WDR72: variants seen among roughly 807,000 people sequenced by gnomAD.
WDR72 encodes the protein WD repeat-containing protein 72.
Under a neutral mutation model 124.2 loss-of-function variants are expected in WDR72, and 120 were observed. That is an observed-to-expected ratio of 0.97 (90% confidence interval 0.83 to 1.12). The LOEUF is 1.12. Among genes scored for constraint, WDR72 ranks in the 50% most tolerant of loss-of-function variants. WDR72 has a pLI of 0.00. For synonymous variants in WDR72, 452 were observed against 441.7 expected (o/e 1.02, Z -0.29); for missense variants, 1,387 against 1,278.8 (o/e 1.08, Z -1.29).
intron 18 of WDR72, among the ~76,000 whole-genome samples, chr15:53,572,869 T>C (rs765263135): frequency 1.3e-5 from 2 of 152,218 alleles, no homozygotes; most frequent in African/African-American, 2.4e-5. Context: ...TTCTCCTTTC[T>C]AGAGAACCAC....
rs2140613871 is a variant in WDR72, at chr15:53,733,196, C to A, written c.-12-35G>T. ...AAAGAAGGGAAGAAGCATACATGGT[C>A]ATCTTTTTGAAATTTGAGGAAACCG... On this transcript the variant is annotated intron_variant, in intron 1 of 19. Transcript: ENST00000360509. The A allele has an allele frequency of 1.9e-6, 3 of 1,610,296 alleles. No homozygotes were observed. In the South Asian group the frequency reaches 3.3e-5, roughly 18 times the overall value.
chr15:53,589,178 G>T (rs1173931412), intron 18 of WDR72, among the ~76,000 whole-genome samples: 1 of 151,800 alleles, frequency 6.6e-6, no homozygotes, highest in African/African-American at 2.4e-5. Context: ...GTCTTCTGGG[G>T]GGTTACAAAC....
intron 1 of WDR72, among the ~76,000 whole-genome samples, chr15:53,752,266 A>G (rs1215149706): frequency 6.6e-6 from 1 of 152,200 alleles, no homozygotes; most frequent in African/African-American, 2.4e-5. Flanking sequence ...TCCAAAATTT[A>G]TATGTTGAAG....
At chr15:53,745,348 G>A (rs937680620) in intron 1 of WDR72, among the ~76,000 whole-genome samples, 2 of 152,170 alleles carry the variant, frequency 1.3e-5, no homozygotes, top group Non-Finnish European at 2.9e-5. Flanking sequence ...ACCTTTGAGA[G>A]TGTGAGATTT....
At chr15:53,518,365 T>C (rs1264892645) in intron 19 of WDR72, among the ~76,000 whole-genome samples, 2 of 152,078 alleles carry the variant, frequency 1.3e-5, no homozygotes, top group Non-Finnish European at 2.9e-5. Context: ...GAATAGTAAC[T>C]TTCACTCCTA....
At chr15:53,717,327 G>C (rs1297738644) in intron 3 of WDR72, among the ~76,000 whole-genome samples, 1 of 152,108 alleles carries the variant, frequency 6.6e-6, no homozygotes, top group Admixed American at 6.6e-5. Flanking sequence ...AATCAGAATG[G>C]CTGTTTCAGA....
At chr15:53,580,244 A>C (rs1396045752) in intron 18 of WDR72, among the ~76,000 whole-genome samples, 2 of 152,156 alleles carry the variant, frequency 1.3e-5, no homozygotes, top group African/African-American at 2.4e-5. Flanking sequence ...CTAAAATCTA[A>C]AACGAAATAA....
chr15:53,584,059 T>C (rs1184234956), intron 18 of WDR72, among the ~76,000 whole-genome samples: 1 of 151,770 alleles, frequency 6.6e-6, no homozygotes, highest in Non-Finnish European at 1.5e-5. Context: ...AGGATGTTTG[T>C]AGAGAAGGAG....
intron 3 of WDR72, among the ~76,000 whole-genome samples, chr15:53,718,545 T>G (rs1394257933): frequency 6.6e-6 from 1 of 152,110 alleles, no homozygotes. Flanking sequence ...CTATCAATTT[T>G]GCTTAATAAA....
rs757690372 is a variant in WDR72 at position 53,616,059 on chromosome 15, GC to G, written c.2146del (p.Ala716ProfsTer10). ...SFYGGEVLRR[A>X]KSTVEKKTLT... ...TGTCTTCTTCTCCACTGTGCTCTTGGCTCTTCTCAGGACCTCACCACCATAG... is the reference window on the plus strand; with the variant it reads ...TGTCTTCTTCTCCACTGTGCTCTTGGTCTTCTCAGGACCTCACCACCATAG... On this transcript the variant is annotated frameshift_variant, in exon 15 of 20. Transcript: ENST00000360509. LOFTEE classifies it high-confidence loss of function. 1.9e-6 allele frequency: 3 copies of G among 1,611,644 alleles called. No individual in the cohort carries two copies. The highest frequency in any genetic ancestry group is 2.5e-6 in the Non-Finnish European group (3 of 1,178,702).
At chr15:53,640,892 T>A (rs1260148892) in intron 14 of WDR72, among the ~76,000 whole-genome samples, 2 of 148,592 alleles carry the variant, frequency 1.3e-5, no homozygotes, top group East Asian at 3.9e-4. Context: ...ATAAAGATAT[T>A]AATACTTTAT....
intron 13 of WDR72, among the ~76,000 whole-genome samples, chr15:53,681,649 G>C (rs2016388030): frequency 6.6e-6 from 1 of 152,144 alleles, no homozygotes; most frequent in African/African-American, 2.4e-5. Context: ...ATTGATGAAA[G>C]TAATTTTAAG....
At chr15:53,721,371 A>G (rs540711256) in intron 3 of WDR72, among the ~76,000 whole-genome samples, 1 of 152,294 alleles carries the variant, frequency 6.6e-6, no homozygotes, top group South Asian at 2.1e-4. Flanking sequence ...GCTATTATGT[A>G]TTTCTCAATT....
At chr15:53,658,535 T>C (rs2015506109) in intron 14 of WDR72, among the ~76,000 whole-genome samples, 1 of 152,106 alleles carries the variant, frequency 6.6e-6, no homozygotes, top group South Asian at 2.1e-4. Flanking sequence ...CAAAGAACTC[T>C]GCCATCTATA....
At chr15:53,690,620 A>G (rs2016808398) in intron 13 of WDR72, among the ~76,000 whole-genome samples, 1 of 152,156 alleles carries the variant, frequency 6.6e-6, no homozygotes, top group Admixed American at 6.5e-5. Flanking sequence ...AACTTGCTAC[A>G]TTTTGAGGGT....
intron 1 of WDR72, among the ~76,000 whole-genome samples, chr15:53,754,197 T>C (rs2018842830): frequency 6.6e-6 from 1 of 152,166 alleles, no homozygotes; most frequent in Admixed American, 6.5e-5. Context: ...TCATTATGTA[T>C]GTGGAAGTGT....
chr15:53,704,356 CTG>C (rs1411841367), intron 11 of WDR72, among the ~76,000 whole-genome samples: 12 of 152,034 alleles, frequency 7.9e-5, no homozygotes, highest in Admixed American at 4.6e-4. Flanking sequence ...AATTAAAAGA[CTG>C]TATGTTGTTA....
chr15:53,688,907 G>A (rs374391911), intron 13 of WDR72, among the ~76,000 whole-genome samples: 9 of 152,108 alleles, frequency 5.9e-5, no homozygotes, highest in Middle Eastern at 3.4e-3. Context: ...CAGAAATAAC[G>A]CCGCATATCT....
intron 18 of WDR72, among the ~76,000 whole-genome samples, chr15:53,543,681 G>T (rs78065243): frequency 1.3e-5 from 2 of 151,324 alleles, no homozygotes; most frequent in Non-Finnish European, 2.9e-5. Context: ...ACAAAAAACC[G>T]TTCAAAAAAT....
Sources: allele counts gnomAD v4.1 joint callset (sites outside exome capture counted in the v4.1 genomes callset), GRCh38; gene constraint gnomAD v4.1.1; transcripts MANE v1.5; gene names NCBI Gene and HGNC (gene_info 2026-07-23, HGNC 2026-07-21).